OIP5: variants seen among roughly 807,000 people sequenced by gnomAD.
OIP5 encodes Opa interacting protein 5, also known as protein Mis18-beta.
OIP5 carries 24 observed loss-of-function variants against 20.3 expected under a neutral mutation model. The observed-to-expected ratio is 1.18, with a 90% CI of 0.86 to 1.66. OIP5 has a LOEUF of 1.66. OIP5 is among the 40% of genes most tolerant of loss of function. The pLI, the probability that OIP5 is intolerant of heterozygous loss-of-function variation, is 0.00. For missense variants in OIP5, 339 were observed against 289.5 expected (o/e 1.17, Z -1.24); for synonymous variants, 143 against 121.3 (o/e 1.18, Z -1.17).
chr15:41,319,276 G>A (rs1456329041), intron 3 of OIP5, among the ~76,000 whole-genome samples: 1 of 148,042 alleles, frequency 6.8e-6, no homozygotes, highest in Non-Finnish European at 1.5e-5. Flanking sequence ...ATCTCACTAT[G>A]TCTCCCAGGC....
chr15:41,309,545 G>T lies in OIP5; in HGVS notation c.*209C>A, dbSNP rs74012259. 3.8e-5 allele frequency: 16 copies of T among 416,944 alleles called. No individual in the cohort carries two copies. Among genetic ancestry groups the T allele is most frequent in the Non-Finnish European group, 6.0e-5 (14 of 233,532 alleles). The allele number at this position is 416,944 out of a possible 1,614,324, so 25.8% of individuals were successfully genotyped here. A position where few individuals can be genotyped will look rare whatever the true frequency, so the allele number is the denominator to read the frequency against. ...ATAAGAATCTAAAGTAAGTTCTTAA[G>T]GCAAATAGCTATAAAAGAGAAGAAT... On this transcript the variant is annotated 3_prime_UTR_variant, in exon 5 of 5. Coordinates refer to ENST00000220514, the MANE Select transcript of OIP5 (RefSeq NM_007280.2).
chr15:41,320,727 T>G (rs921068558), intron 2 of OIP5, among the ~76,000 whole-genome samples: 1 of 151,158 alleles, frequency 6.6e-6, no homozygotes, highest in African/African-American at 2.4e-5. Context: ...GTGAGGAGCG[T>G]CTCTGCCTGG....
intron 3 of OIP5, among the ~76,000 whole-genome samples, chr15:41,317,095 A>G (rs561391552): frequency 4.5e-4 from 69 of 152,304 alleles, no homozygotes; most frequent in African/African-American, 1.6e-3. Context: ...GAAATAGCCA[A>G]TGTAATTCAT....
At chr15:41,327,284 C>A (rs1220605501) in intron 2 of OIP5, among the ~76,000 whole-genome samples, 1 of 151,496 alleles carries the variant, frequency 6.6e-6, no homozygotes, top group Admixed American at 6.6e-5. Context: ...TGGGTTCAAG[C>A]GATTCTCCTG....
At position 41,313,263 on chromosome 15, in the gene OIP5, G is replaced by A. The variant is rs747206643; in HGVS notation, c.594+10C>T. ...TTTTAAAAAAGCATACAACCATCAT[G>A]AAATTTTACCTCTGCAATCTTTTCT... On this transcript the variant is annotated intron_variant, in intron 4 of 4. Transcript: ENST00000220514. The A allele has an allele frequency of 6.5e-7, 1 of 1,534,412 alleles. No homozygotes were observed. The highest frequency in any genetic ancestry group is 9.0e-7 in the Non-Finnish European group (1 of 1,114,130).
intron 2 of OIP5, among the ~76,000 whole-genome samples, chr15:41,327,955 C>T (rs1236209511): frequency 6.6e-6 from 1 of 151,804 alleles, no homozygotes. Context: ...AACAAATTAG[C>T]TGGGCATGGT....
intron 4 of OIP5, among the ~76,000 whole-genome samples, chr15:41,311,566 AATTATT>A (rs888896067): frequency 2.0e-4 from 30 of 151,832 alleles, no homozygotes; most frequent in African/African-American, 6.8e-4. Context: ...TTCCCATACC[AATTATT>A]ATTATTATTA....
intron 2 of OIP5, among the ~76,000 whole-genome samples, chr15:41,321,933 AAAT>A (rs2047832858): frequency 6.6e-6 from 1 of 151,578 alleles, no homozygotes; most frequent in African/African-American, 2.4e-5. Context: ...AAAAATAAAT[AAAT>A]AAATAAATAA....
chr15:41,332,200 G>A (rs1416986477), intron 1 of OIP5, 40 bp downstream of exon 1: 3 of 1,521,168 alleles, frequency 2.0e-6, no homozygotes, highest in African/African-American at 1.4e-5. Flanking sequence ...CACCCTCTCG[G>A]GCTAGCCTCT....
At chr15:41,331,817 C>G in intron 2 of OIP5, 98 bp downstream of exon 2, 1 of 960,876 alleles carries the variant, frequency 1.0e-6, no homozygotes, top group African/African-American at 1.6e-5. Flanking sequence ...CAGGTAAAAG[C>G]AGCATCCCAA....
chr15:41,318,231 T>C (rs2047800307), intron 3 of OIP5, among the ~76,000 whole-genome samples: 1 of 152,274 alleles, frequency 6.6e-6, no homozygotes, highest in African/African-American at 2.4e-5. Flanking sequence ...GGCTTGATCT[T>C]GGCTCACTGC....
intron 4 of OIP5, 63 bp from the exon 5 acceptor site, chr15:41,309,912 A>C: frequency 8.6e-7 from 1 of 1,156,654 alleles, no homozygotes; most frequent in Non-Finnish European, 1.3e-6. Flanking sequence ...TTTAAGAGAC[A>C]GGGTCTCACT....
Position 41,332,326 on chromosome 15 carries a change from T to C in OIP5, c.236A>G (p.Gln79Arg), listed in dbSNP as rs2047937858. 6.2e-7 allele frequency: 1 copy of C among 1,610,870 alleles called. No individual in the cohort carries two copies. The highest frequency in any genetic ancestry group is 1.1e-5 in the South Asian group (1 of 90,752). ...GAGCACTGCGTGACACTGTGCGCAC[T>C]GGAACACAGCGCACCTCTCAGGCTG... ...WLQPERCAVF[Q>R]CAQCHAVLAD... is the part of the protein sequence containing the mutation. The change falls in exon 1 of 5, where the codon CAG becomes CGG. Residue 79 changes from glutamine (Q) to arginine (R), a missense_variant. Physicochemically the swap from Gln to Arg is conservative, Grantham distance 43. Coordinates refer to ENST00000220514, the MANE Select transcript of OIP5 (RefSeq NM_007280.2).
At chr15:41,313,661 T>C (rs2140458899) in intron 3 of OIP5, among the ~76,000 whole-genome samples, 1 of 152,324 alleles carries the variant, frequency 6.6e-6, no homozygotes, top group Non-Finnish European at 1.5e-5. Context: ...CCTATGTAAA[T>C]TTGTAATGTA....
chr15:41,312,524 G>C (rs2047762588), intron 4 of OIP5, among the ~76,000 whole-genome samples: 1 of 150,164 alleles, frequency 6.7e-6, no homozygotes, highest in Admixed American at 6.6e-5. Context: ...CAGTGGCGCA[G>C]TCTCGGCTCA....
At chr15:41,318,499 T>C (rs2047802536) in intron 3 of OIP5, among the ~76,000 whole-genome samples, 1 of 152,052 alleles carries the variant, frequency 6.6e-6, no homozygotes, top group African/African-American at 2.4e-5. Context: ...CTTCACCATG[T>C]TGCCTAGGCT....
intron 3 of OIP5, among the ~76,000 whole-genome samples, chr15:41,318,258 G>A (rs1175285310): frequency 6.6e-6 from 1 of 152,206 alleles, no homozygotes; most frequent in Admixed American, 6.5e-5. Context: ...CGCCTCCTGG[G>A]TTCAAGCAAT....
intron 2 of OIP5, among the ~76,000 whole-genome samples, chr15:41,321,613 T>C (rs1292070186): frequency 1.3e-5 from 2 of 150,874 alleles, no homozygotes; most frequent in African/African-American, 2.4e-5. Context: ...CCTGTTGATC[T>C]ATGACCTTAC....
chr15:41,330,205 C>G (rs61127691), intron 2 of OIP5, among the ~76,000 whole-genome samples: 12,764 of 151,940 alleles, frequency 0.084, 679 homozygotes, highest in East Asian at 0.16. Context: ...ATTCTCCCTC[C>G]TCAGCCTCCT....
Sources: gnomAD v4.1 joint callset for allele counts (sites outside exome capture counted in the v4.1 genomes callset) on GRCh38, gnomAD v4.1.1 for gene constraint, MANE v1.5 for transcripts, NCBI Gene and HGNC (gene_info 2026-07-23, HGNC 2026-07-21) for gene names.